The following PCNX4 variants were observed in gnomAD, a reference collection of about 807,000 sequenced individuals.
PCNX4 encodes the protein pecanex 4.
PCNX4 carries 103 observed loss-of-function variants against 107.2 expected under a neutral mutation model. The ratio of observed to expected loss-of-function variants is 0.96; its 90% CI spans 0.82 to 1.13. The LOEUF is 1.13. PCNX4 is among the 50% of genes most tolerant of loss of function. PCNX4 has a pLI of 0.00. For missense variants in PCNX4, 1,528 were observed against 1,379.4 expected (o/e 1.11, Z -1.71); for synonymous variants, 541 against 481.7 (o/e 1.12, Z -1.61).
chr14:60,103,028 T>C (rs1034212875), intron 1 of PCNX4, among the ~76,000 whole-genome samples: 1 of 152,214 alleles, frequency 6.6e-6, no homozygotes, highest in Non-Finnish European at 1.5e-5. Context: ...TAAATACTCT[T>C]TAATCCTTAA....
intron 10 of PCNX4, among the ~76,000 whole-genome samples, chr14:60,127,573 A>C (rs1396959438): frequency 1.3e-5 from 2 of 152,218 alleles, no homozygotes; most frequent in African/African-American, 4.8e-5. Context: ...GCAGACAGAT[A>C]CTGACTTCAC....
rs531603941 is a variant in PCNX4 at position 60,141,969 on chromosome 14, G to C, written c.*7748G>C. 4 of 152,148 alleles carry C rather than the reference G, an allele frequency of 2.6e-5. No individual in the cohort carries two copies. The highest frequency in any genetic ancestry group is 9.7e-5 in the African/African-American group (4 of 41,422). The allele number at this position is 152,148 out of a possible 1,614,324, so 9.4% of individuals were successfully genotyped here. A position where few individuals can be genotyped will look rare whatever the true frequency, so the allele number is the denominator to read the frequency against. On this transcript the variant is annotated 3_prime_UTR_variant, in exon 11 of 11. Transcript: ENST00000406854. Reference sequence around the variant, plus strand: ...GCTAAAAGTCTTTTTCAAGTTAATTGTACCTTTTGACATTCCCGCCAGCAG... The same window carrying C: ...GCTAAAAGTCTTTTTCAAGTTAATTCTACCTTTTGACATTCCCGCCAGCAG...
rs1896344704 is a variant in PCNX4, at chr14:60,144,308, A to G, written c.*10087A>G. The G allele has an allele frequency of 6.6e-6, 1 of 152,350 alleles. No individual in the cohort carries two copies. Among genetic ancestry groups the G allele is most frequent in the Non-Finnish European group, 1.5e-5 (1 of 68,168 alleles). 9.4% of individuals were successfully genotyped at this position (152,350 alleles called of 1,614,324 possible). A position where few individuals can be genotyped will look rare whatever the true frequency, so the allele number is the denominator to read the frequency against. On this transcript the variant is annotated 3_prime_UTR_variant, in exon 11 of 11. Coordinates refer to ENST00000406854, the MANE Select transcript of PCNX4 (RefSeq NM_001330177.2). ...CACTCTGCTTTGTGTGAAATATTCTATACATTTATGTTGCTATGGTTTGGA... is the reference window on the plus strand; with the variant it reads ...CACTCTGCTTTGTGTGAAATATTCTGTACATTTATGTTGCTATGGTTTGGA...
chr14:60,123,760 A>G (rs1190968065), intron 8 of PCNX4, among the ~76,000 whole-genome samples: 1 of 152,134 alleles, frequency 6.6e-6, no homozygotes. Flanking sequence ...GGAACAGGAG[A>G]CTGATAAATT....
Position 60,115,787 on chromosome 14 carries a change from G to A in PCNX4, c.1426G>A (p.Val476Ile). The part of the protein sequence containing the change: ...SSLQGLHSVS[V>I]CIGFTRAFRM... ...CTTACAAGGGCTCCACTCAGTGTCTGTCTGTATTGGATTCACAAGAGCCTT... is the reference window on the plus strand; with the variant it reads ...CTTACAAGGGCTCCACTCAGTGTCTATCTGTATTGGATTCACAAGAGCCTT... Residue 476 changes from valine to isoleucine, a missense_variant, in exon 5 of 11, where the codon GTC becomes ATC. Val to Ile is a conservative substitution (Grantham distance 29, BLOSUM62 3). Coordinates refer to ENST00000406854, the MANE Select transcript of PCNX4 (RefSeq NM_001330177.2). 1 of 1,612,988 alleles carries A rather than the reference G, an allele frequency of 6.2e-7. No individual in the cohort carries two copies. The highest frequency in any genetic ancestry group is 2.2e-5 in the East Asian group (1 of 44,846).
intron 6 of PCNX4, among the ~76,000 whole-genome samples, chr14:60,117,866 G>C (rs893103532): frequency 2.0e-5 from 3 of 152,106 alleles, no homozygotes; most frequent in Admixed American, 1.3e-4. Flanking sequence ...TATCTGAAAT[G>C]TTTTGTGGTA....
At position 60,145,703 on chromosome 14, in the gene PCNX4, T is replaced by C. The variant is rs1896388641; in HGVS notation, c.*11482T>C. The stretch of plus-strand genomic sequence containing the variant: ...AAAAATAAAAAGAAAAAAAAATTAT[T>C]TGTGAACTTTTTGTATATTGCTTAA... On this transcript the variant is annotated 3_prime_UTR_variant, in exon 11 of 11. Coordinates refer to ENST00000406854, the MANE Select transcript of PCNX4 (RefSeq NM_001330177.2). This position sits in a 1 kb window ranked among gnomAD's most constrained non-coding sequence, Gnocchi z 4.0. 1 of 152,072 alleles carries C rather than the reference T, an allele frequency of 6.6e-6. No homozygotes were observed. 9.4% of individuals were successfully genotyped at this position (152,072 alleles called of 1,614,324 possible). A position where few individuals can be genotyped will look rare whatever the true frequency, so the allele number is the denominator to read the frequency against.
At chr14:60,121,560 G>T (rs1291915222) in intron 8 of PCNX4, among the ~76,000 whole-genome samples, 1 of 150,318 alleles carries the variant, frequency 6.7e-6, no homozygotes, top group Admixed American at 6.6e-5. Flanking sequence ...GTCAAGTTGA[G>T]CATCTCAAAA....
chr14:60,100,115 G>A (rs185590210), intron 1 of PCNX4, among the ~76,000 whole-genome samples: 7 of 151,978 alleles, frequency 4.6e-5, no homozygotes, highest in Admixed American at 1.3e-4. Flanking sequence ...AAAGAAAACC[G>A]TCATGTCAAA....
Position 60,140,570 on chromosome 14 carries a change from A to G in PCNX4, c.*6349A>G, listed in dbSNP as rs1896295131. 1 of 151,448 alleles carries G rather than the reference A, an allele frequency of 6.6e-6. No homozygotes were observed. The highest frequency in any genetic ancestry group is 2.1e-4 in the South Asian group (1 of 4,790). 9.4% of individuals were successfully genotyped at this position (151,448 alleles called of 1,614,324 possible). On this transcript the variant is annotated 3_prime_UTR_variant, in exon 11 of 11. Transcript: ENST00000406854. The surrounding 1 kb of genome is among the most constrained non-coding windows in gnomAD (Gnocchi z 4.2). ...CCCCAACATCAATGCAAAAATCCCA[A>G]ACAAAATACTAGCAAACTAAACTAC...
In PCNX4 at chr14:60,118,593, G is replaced by A; in HGVS notation, c.1843G>A (p.Gly615Ser). ...TATTCAGAGTTGGCCAGGAGCAGCA[G>A]GCACCACAGCCTGTGTGTGTGCAGA... The part of the protein sequence containing the change: ...RPIQSWPGAA[G>S]TTACVCADTV... Residue 615 changes from glycine (G) to serine (S), a missense_variant, in exon 7 of 11, where the codon GGC becomes AGC. Coordinates refer to ENST00000406854, the MANE Select transcript of PCNX4 (RefSeq NM_001330177.2). The A allele has an allele frequency of 6.2e-7, 1 of 1,613,744 alleles. No homozygotes were observed.
intron 10 of PCNX4, among the ~76,000 whole-genome samples, chr14:60,131,387 C>A (rs1595180413): frequency 1.3e-5 from 2 of 152,220 alleles, no homozygotes; most frequent in Non-Finnish European, 1.5e-5. Flanking sequence ...ATAAGATCAA[C>A]ATACAAAAAT....
Position 60,092,309 on chromosome 14 carries a change from C to T in PCNX4, c.-164C>T, listed in dbSNP as rs1895315571. 6.6e-6 allele frequency: 1 copy of T among 152,276 alleles called. No individual in the cohort carries two copies. The highest frequency in any genetic ancestry group is 2.4e-5 in the African/African-American group (1 of 41,468). The allele number at this position is 152,276 out of a possible 1,614,324, so 9.4% of individuals were successfully genotyped here. A position where few individuals can be genotyped will look rare whatever the true frequency, so the allele number is the denominator to read the frequency against. On this transcript the variant is annotated 5_prime_UTR_variant, in exon 1 of 11. Coordinates refer to ENST00000406854, the MANE Select transcript of PCNX4 (RefSeq NM_001330177.2). ...TCGGCCGCCGCAGCTTTTCTGCCTCCGCATTCGGGCACTAACCAACCTCCC... is the reference window on the plus strand; with the variant it reads ...TCGGCCGCCGCAGCTTTTCTGCCTCTGCATTCGGGCACTAACCAACCTCCC...
At chr14:60,102,725 G>A (rs1222025706) in intron 1 of PCNX4, among the ~76,000 whole-genome samples, 1 of 151,274 alleles carries the variant, frequency 6.6e-6, no homozygotes, top group Non-Finnish European at 1.5e-5. Flanking sequence ...TTTGAATATT[G>A]TAGAGGTGGC....
chr14:60,131,170 A>C (rs1304983877), intron 10 of PCNX4, among the ~76,000 whole-genome samples: 3 of 152,220 alleles, frequency 2.0e-5, no homozygotes, highest in Non-Finnish European at 4.4e-5. Context: ...TCTCTTCTTT[A>C]AGTCACCTAG....
chr14:60,127,117 G>GA (rs1050057367), intron 10 of PCNX4, among the ~76,000 whole-genome samples: 1 of 152,178 alleles, frequency 6.6e-6, no homozygotes, highest in African/African-American at 2.4e-5. Flanking sequence ...AAATGTTCTT[G>GA]AAAACAATGG....
intron 10 of PCNX4, among the ~76,000 whole-genome samples, chr14:60,132,489 A>C (rs773743077): frequency 2.6e-5 from 4 of 152,212 alleles, no homozygotes; most frequent in Non-Finnish European, 4.4e-5. Flanking sequence ...ACCTAAACAT[A>C]AGAGCCATAA....
At chr14:60,099,805 C>T (rs1343336158) in intron 1 of PCNX4, among the ~76,000 whole-genome samples, 1 of 151,924 alleles carries the variant, frequency 6.6e-6, no homozygotes, top group African/African-American at 2.4e-5. Context: ...GCCTGTAATC[C>T]CTAATTCCAG....
In PCNX4 at chr14:60,146,513, T is replaced by C. The variant is rs775703119; in HGVS notation, c.*12292T>C. The C allele has an allele frequency of 1.3e-5, 2 of 152,192 alleles. No individual in the cohort carries two copies. The highest frequency in any genetic ancestry group is 2.9e-5 in the Non-Finnish European group (2 of 68,038). 9.4% of individuals were successfully genotyped at this position (152,192 alleles called of 1,614,324 possible). On this transcript the variant is annotated 3_prime_UTR_variant, in exon 11 of 11. Coordinates refer to ENST00000406854, the MANE Select transcript of PCNX4 (RefSeq NM_001330177.2). The surrounding 1 kb of genome is among the most constrained non-coding windows in gnomAD (Gnocchi z 4.9). ...AATTAAAAATAGAATTACCATCTGA[T>C]CCAGCAATTCCACTTAAGGGTATAA...
Sources: gnomAD v4.1 joint callset for allele counts (sites outside exome capture counted in the v4.1 genomes callset) on GRCh38, gnomAD v4.1.1 for gene constraint, Gnocchi (gnomAD v3.1) non-coding constraint, MANE v1.5 for transcripts, NCBI Gene and HGNC (gene_info 2026-07-23, HGNC 2026-07-21) for gene names.